YAP1: variants seen among roughly 807,000 people sequenced by gnomAD.
YAP1 encodes Yes1 associated transcriptional regulator.
In YAP1, 5 loss-of-function variants were observed where a neutral mutation model predicts 56.9. That is an observed-to-expected ratio of 0.09 (90% CI 0.05 to 0.18). The LOEUF is 0.18. Among genes scored for constraint, YAP1 ranks in the 10% least tolerant of loss-of-function variants. YAP1 has a pLI of 1.00. For synonymous variants in YAP1, 265 were observed against 248.1 expected, an observed-to-expected ratio of 1.07 and a Z score of -0.64; for missense variants, 539 against 651.8, an observed-to-expected ratio of 0.83 and a Z score of 1.88.
chr11:102,173,061 G>C (rs1427376738), intron 3 of YAP1, among the ~76,000 whole-genome samples: 1 of 152,200 alleles, frequency 6.6e-6, no homozygotes, highest in African/African-American at 2.4e-5. Flanking sequence ...AAAATAGGGA[G>C]ATTACTTGGA....
At chr11:102,160,234 G>A (rs1946188334) in intron 2 of YAP1, among the ~76,000 whole-genome samples, 1 of 151,786 alleles carries the variant, frequency 6.6e-6, no homozygotes, top group African/African-American at 2.4e-5. Context: ...TGTTGGTCAG[G>A]CTGGTCTTGA....
At chr11:102,191,487 T>C (rs1948278226) in intron 4 of YAP1, among the ~76,000 whole-genome samples, 1 of 152,188 alleles carries the variant, frequency 6.6e-6, no homozygotes, top group South Asian at 2.1e-4. Flanking sequence ...GAATTTGATC[T>C]TTTGATACCT....
Position 102,126,919 on chromosome 11 carries a change from G to A in YAP1, c.572+12525G>A, listed in dbSNP as rs544961598. Among the ~76,000 whole-genome samples, 15 of 152,338 alleles carry A rather than the reference G, an allele frequency of 9.8e-5. No individual in the cohort carries two copies. In the South Asian group the frequency reaches 2.5e-3, roughly 25 times the overall value. On this transcript the variant is annotated intron_variant, in intron 2 of 8. Coordinates refer to ENST00000282441, the MANE Select transcript of YAP1 (RefSeq NM_001130145.3). ...GGGAACTGGACCAGAGGTGACTCTT[G>A]TTACGTTTTAGCAAAGGGACTGGTG...
chr11:102,183,853 G>C (rs1947786072), intron 3 of YAP1, among the ~76,000 whole-genome samples: 1 of 151,826 alleles, frequency 6.6e-6, no homozygotes, highest in Non-Finnish European at 1.5e-5. Context: ...GAGGCGGGCG[G>C]ATCACGAGGT....
intron 2 of YAP1, among the ~76,000 whole-genome samples, chr11:102,132,126 T>TA (rs981831452): frequency 1.5e-4 from 22 of 149,574 alleles, no homozygotes; most frequent in Admixed American, 4.7e-4. Context: ...TCAAAAAAAA[T>TA]AAAAAAAAAG....
intron 2 of YAP1, among the ~76,000 whole-genome samples, chr11:102,134,423 A>C (rs1944552087): frequency 2.7e-5 from 4 of 150,902 alleles, no homozygotes; most frequent in African/African-American, 7.3e-5. Flanking sequence ...ATTCAGAGGT[A>C]TGTACTTTGT....
chr11:102,215,299 A>G (rs1208254133), intron 6 of YAP1, among the ~76,000 whole-genome samples: 3 of 152,204 alleles, frequency 2.0e-5, no homozygotes, highest in African/African-American at 7.2e-5. Context: ...CCAGTTCACT[A>G]AGTTAATCTT....
intron 2 of YAP1, among the ~76,000 whole-genome samples, chr11:102,130,974 T>G (rs752093110): frequency 3.3e-5 from 5 of 152,098 alleles, no homozygotes; most frequent in Non-Finnish European, 7.4e-5. Context: ...TATGTAAGTG[T>G]CATTGTCCTC....
At chr11:102,146,064 A>C (rs1056619934) in intron 2 of YAP1, among the ~76,000 whole-genome samples, 5 of 152,330 alleles carry the variant, frequency 3.3e-5, no homozygotes, top group Non-Finnish European at 7.3e-5. Context: ...TTAGTTAGTT[A>C]AGTTAGTTAA....
At chr11:102,182,281 A>G (rs1565239411) in intron 3 of YAP1, among the ~76,000 whole-genome samples, 1 of 152,246 alleles carries the variant, frequency 6.6e-6, no homozygotes, top group Non-Finnish European at 1.5e-5. Context: ...CATTATAATC[A>G]GAATATAAAT....
chr11:102,181,211 T>C (rs549345596), intron 3 of YAP1, among the ~76,000 whole-genome samples: 33 of 151,594 alleles, frequency 2.2e-4, no homozygotes, highest in African/African-American at 7.8e-4. Context: ...TTTGGGAGGT[T>C]GAGGTGGGCG....
Position 102,153,312 on chromosome 11 carries a change from C to G in YAP1, c.573-9144C>G, listed in dbSNP as rs139630991. 3.2e-3 allele frequency among the ~76,000 whole-genome samples: 485 copies of G among 152,306 alleles called. 5 individuals are homozygous for G. The highest frequency in any genetic ancestry group is 0.011 in the African/African-American group (470 of 41,566). ...CAGTATCACAGATATGAGTGATTCA[C>G]AGATGGTTAAAGTCACTGCGCACTC... is the stretch of plus-strand genomic sequence containing the variant. On this transcript the variant is annotated intron_variant, in intron 2 of 8. Coordinates refer to ENST00000282441, the MANE Select transcript of YAP1 (RefSeq NM_001130145.3).
rs1272023220 is a variant in YAP1, at chr11:102,162,562, T to A, written c.679T>A (p.Ser227Thr). Residue 227 changes from serine to threonine, a missense_variant, in exon 3 of 9, where the codon TCG (serine) becomes ACG (threonine). Around this residue, in one of 4 missense-constraint regions of YAP1, gnomAD observed 414 missense variants for 512.4 expected, o/e 0.81. Transcript: ENST00000282441. ...ACCAGTGCAGCAGAATATGATGAAC[T>A]CGGCTTCAGGTGAGTGAGACACTGT... ...SPPVQQNMMNSASGPLPDGWE... is the reference protein window; with the variant it reads ...SPPVQQNMMNTASGPLPDGWE... The A allele has an allele frequency of 6.8e-6, 11 of 1,614,162 alleles. No homozygotes were observed. Among genetic ancestry groups the A allele is most frequent in the Non-Finnish European group, 9.3e-6 (11 of 1,179,994 alleles).
chr11:102,146,751 A>G (rs1014779683), intron 2 of YAP1, among the ~76,000 whole-genome samples: 2 of 152,240 alleles, frequency 1.3e-5, no homozygotes, highest in East Asian at 1.9e-4. Context: ...TAAACAAGGT[A>G]CTTCCATTCT....
chr11:102,173,590 G>T (rs1942682), intron 3 of YAP1, among the ~76,000 whole-genome samples: 138,181 of 152,120 alleles, frequency 0.91, 64,177 homozygotes, highest in East Asian at 1. Context: ...TCAAACACGT[G>T]TTTTAATTCT....
intron 4 of YAP1, among the ~76,000 whole-genome samples, chr11:102,197,032 G>C (rs1257326652): frequency 6.6e-6 from 1 of 152,134 alleles, no homozygotes; most frequent in Non-Finnish European, 1.5e-5. Context: ...AACACTTAGA[G>C]CCAGGAGTGA....
At chr11:102,204,765 C>T (rs1178695007) in intron 4 of YAP1, among the ~76,000 whole-genome samples, 1 of 152,070 alleles carries the variant, frequency 6.6e-6, no homozygotes, top group Non-Finnish European at 1.5e-5. Flanking sequence ...TGTAATTTTC[C>T]TTTCTTTTAA....
intron 6 of YAP1, among the ~76,000 whole-genome samples, chr11:102,209,934 C>G (rs1358075345): frequency 1.3e-5 from 2 of 152,128 alleles, no homozygotes; most frequent in Non-Finnish European, 2.9e-5. Flanking sequence ...TGAACAGTAA[C>G]AAAAGCAGTA....
intron 3 of YAP1, among the ~76,000 whole-genome samples, chr11:102,174,032 TTAG>T (rs1239907586): frequency 1.3e-5 from 2 of 152,184 alleles, no homozygotes; most frequent in African/African-American, 4.8e-5. Context: ...TGGGTCTGAT[TTAG>T]TAGGATTGGG....
Sources: gnomAD v4.1 joint callset for allele counts (sites outside exome capture counted in the v4.1 genomes callset) on GRCh38, gnomAD v4.1.1 for gene constraint, gnomAD v4.1.1 regional missense constraint, MANE v1.5 for transcripts, NCBI Gene and HGNC (gene_info 2026-07-23, HGNC 2026-07-21) for gene names.